The following SUGCT variants were observed in gnomAD, a reference collection of about 807,000 sequenced individuals.
SUGCT encodes succinyl-CoA:glutarate-CoA transferase, also known as succinyl-CoA:glutarate CoA-transferase.
In SUGCT, 41 loss-of-function variants were observed where a neutral mutation model predicts 55.0. The observed-to-expected ratio is 0.74, with a 90% confidence interval of 0.58 to 0.97. The LOEUF (loss-of-function observed/expected upper bound fraction) is 0.97. SUGCT is among the 50% of genes least tolerant of loss of function. The probability of loss-of-function intolerance (pLI) is 0.00; values close to 1 mark genes in which losing one functional copy is unlikely to be tolerated. For synonymous variants in SUGCT, 187 were observed against 200.4 expected (o/e 0.93, Z 0.56); for missense variants, 568 against 547.8 (o/e 1.04, Z -0.37).
At chr7:40,485,866 C>T (rs1791313517) in intron 11 of SUGCT, among the ~76,000 whole-genome samples, 1 of 152,132 alleles carries the variant, frequency 6.6e-6, no homozygotes, top group South Asian at 2.1e-4. Flanking sequence ...GTTGAACCAT[C>T]TTTGTATCCC....
chr7:40,483,630 A>G (rs531983015), intron 11 of SUGCT, among the ~76,000 whole-genome samples: 1 of 152,232 alleles, frequency 6.6e-6, no homozygotes, highest in African/African-American at 2.4e-5. Flanking sequence ...AATTTATGTA[A>G]CTGATAAAGG....
chr7:40,481,805 T>C (rs1791063713), intron 11 of SUGCT, among the ~76,000 whole-genome samples: 1 of 152,172 alleles, frequency 6.6e-6, no homozygotes, highest in African/African-American at 2.4e-5. Flanking sequence ...CATTTGACAC[T>C]TACTCTTCTC....
chr7:40,233,628 G>A (rs1180366922), intron 6 of SUGCT, among the ~76,000 whole-genome samples: 1 of 152,080 alleles, frequency 6.6e-6, no homozygotes, highest in African/African-American at 2.4e-5. Context: ...GATGTCTATT[G>A]TCATCATTTG....
At chr7:40,695,406 C>T (rs1784881723) in intron 12 of SUGCT, among the ~76,000 whole-genome samples, 1 of 151,930 alleles carries the variant, frequency 6.6e-6, no homozygotes, top group South Asian at 2.1e-4. Context: ...CCATGTTGCC[C>T]AGGCTGGTCT....
intron 7 of SUGCT, among the ~76,000 whole-genome samples, chr7:40,245,421 ATATTTTTTTTTT>A (rs1789766246): frequency 2.5e-5 from 1 of 39,902 alleles, no homozygotes; most frequent in African/African-American, 1.2e-4. Flanking sequence ...ATATATATAT[ATATTTTTTTTTT>A]TTTTTTTTTT....
At chr7:41,002,217 TG>T in the SUGCT span, among the ~76,000 whole-genome samples, 1 of 152,130 alleles carries the variant, frequency 6.6e-6, no homozygotes, top group Non-Finnish European at 1.5e-5. Context: ...GATGGGGTTT[TG>T]CCACATTGTT....
At chr7:40,563,047 C>T (rs1328472541) in intron 12 of SUGCT, among the ~76,000 whole-genome samples, 1 of 152,032 alleles carries the variant, frequency 6.6e-6, no homozygotes, top group African/African-American at 2.4e-5. Flanking sequence ...AACTCCTTCC[C>T]CTCTTCCTCC....
the SUGCT span, among the ~76,000 whole-genome samples, chr7:40,916,512 C>T: frequency 6.6e-6 from 1 of 152,068 alleles, no homozygotes; most frequent in Non-Finnish European, 1.5e-5. Flanking sequence ...GAGAATGAAG[C>T]CAATACAGAT....
intron 9 of SUGCT, among the ~76,000 whole-genome samples, chr7:40,394,238 T>C (rs147669404): frequency 1.3e-3 from 204 of 152,184 alleles, no homozygotes; most frequent in African/African-American, 4.6e-3. Flanking sequence ...ATTTTTAAAA[T>C]CTCCCCAGGT....
At chr7:40,874,097 G>A in the SUGCT span, among the ~76,000 whole-genome samples, 7 of 152,346 alleles carry the variant, frequency 4.6e-5, no homozygotes, top group Non-Finnish European at 7.3e-5. Context: ...AGCCATGTGG[G>A]TAGTGAAAGA....
At chr7:40,642,088 A>G (rs1407519895) in intron 12 of SUGCT, among the ~76,000 whole-genome samples, 1 of 152,162 alleles carries the variant, frequency 6.6e-6, no homozygotes, top group African/African-American at 2.4e-5. Context: ...TGTTTTGTAA[A>G]GTAAGTTTGG....
chr7:40,995,382 G>GTTATTC, the SUGCT span, among the ~76,000 whole-genome samples: 1 of 145,582 alleles, frequency 6.9e-6, no homozygotes, highest in East Asian at 2.0e-4. Flanking sequence ...TATAATAGCT[G>GTTATTC]TTATTATTAT....
chr7:40,335,458 C>T (rs1339562296), intron 9 of SUGCT, among the ~76,000 whole-genome samples: 2 of 151,608 alleles, frequency 1.3e-5, no homozygotes, highest in East Asian at 1.9e-4. Flanking sequence ...TGAAGAGGTC[C>T]TTCACATCCC....
chr7:41,003,164 C>T, the SUGCT span, among the ~76,000 whole-genome samples: 1 of 152,114 alleles, frequency 6.6e-6, no homozygotes. Context: ...CACCAACCTA[C>T]GTAATATTCT....
rs930378845 is a variant in SUGCT, at chr7:40,573,589, A to G, written c.1089+77203A>G. ...TTTTGTATGGTGAAGTGAGGTTTCA[A>G]AACAGTGATTTTTCAAAAGCAGCAG... On this transcript the variant is annotated intron_variant, in intron 12 of 13. Transcript: ENST00000335693. Among the ~76,000 whole-genome samples, 6 of 152,208 alleles carry G rather than the reference A, an allele frequency of 3.9e-5. No individual in the cohort carries two copies. The South Asian group carries it at 8.3e-4, about 21-fold the overall frequency.
Position 40,439,064 on chromosome 7 carries a change from G to GTGTATATATATATATA in SUGCT, c.817-10222_817-10221insGTATATATATATATAT, listed in dbSNP as rs1283539157. 8.1e-4 allele frequency among the ~76,000 whole-genome samples: 22 copies of GTGTATATATATATATA among 27,192 alleles called. 3 individuals carry two copies. The highest frequency in any genetic ancestry group is 1.2e-3 in the Non-Finnish European group (17 of 14,506). 17.8% of individuals were successfully genotyped at this position (27,192 alleles called of 152,430 possible). On this transcript the variant is annotated intron_variant, in intron 9 of 13. Coordinates refer to ENST00000335693, the MANE Select transcript of SUGCT (RefSeq NM_001193313.2). ...TATATATATATGGTATATATATGGTGTATATATATATATATATATATATAT... is the reference window on the plus strand; with the variant it reads ...TATATATATATGGTATATATATGGTGTGTATATATATATATATATATATATATATATATATATATAT...
the SUGCT span, among the ~76,000 whole-genome samples, chr7:40,986,161 A>C: frequency 1.3e-5 from 2 of 152,172 alleles, no homozygotes; most frequent in African/African-American, 4.8e-5. Flanking sequence ...TAAGAATACT[A>C]TTTCTTATTT....
At chr7:40,216,893 AC>A (rs1384168631) in intron 6 of SUGCT, among the ~76,000 whole-genome samples, 2 of 151,934 alleles carry the variant, frequency 1.3e-5, no homozygotes, top group Non-Finnish European at 2.9e-5. Flanking sequence ...ATTTATTAAT[AC>A]CCTCTCCATA....
intron 9 of SUGCT, among the ~76,000 whole-genome samples, chr7:40,370,103 T>A (rs1010203292): frequency 6.6e-6 from 1 of 152,128 alleles, no homozygotes; most frequent in Non-Finnish European, 1.5e-5. Context: ...TACCCACTAG[T>A]GGGAATGTGT....
Sources: gnomAD v4.1 joint callset for allele counts (sites outside exome capture counted in the v4.1 genomes callset) on GRCh38, gnomAD v4.1.1 for gene constraint, MANE v1.5 for transcripts, NCBI Gene and HGNC (gene_info 2026-07-23, HGNC 2026-07-21) for gene names.